Variants in GRIN2A observed in about 807,000 individuals in gnomAD.
GRIN2A encodes glutamate receptor ionotropic, NMDA 2A.
Under a neutral mutation model 113.4 loss-of-function variants are expected in GRIN2A, and 22 were observed. That is an observed-to-expected ratio of 0.19 (90% CI 0.14 to 0.28). The LOEUF is 0.28. Ranked by LOEUF, GRIN2A falls within the 10% of genes least tolerant of loss-of-function variation. GRIN2A has a pLI of 1.00. For missense variants in GRIN2A, 1,502 were observed against 1,887.0 expected (o/e 0.80, Z 3.78); for synonymous variants, 827 against 738.4 (o/e 1.12, Z -1.94).
At chr16:10,132,895 G>C (rs1166157367) in intron 2 of GRIN2A, among the ~76,000 whole-genome samples, 2 of 152,140 alleles carry the variant, frequency 1.3e-5, no homozygotes, top group Non-Finnish European at 2.9e-5. Context: ...GGACCAGCAG[G>C]CCTTCCTAGT....
chr16:10,099,309 G>C (rs1011022080), intron 2 of GRIN2A, among the ~76,000 whole-genome samples: 1 of 152,124 alleles, frequency 6.6e-6, no homozygotes, highest in African/African-American at 2.4e-5. Context: ...TTTTAATGCT[G>C]CAAGCAGCAT....
intron 2 of GRIN2A, among the ~76,000 whole-genome samples, chr16:10,155,832 G>A (rs1394095117): frequency 1.3e-5 from 2 of 152,064 alleles, no homozygotes; most frequent in African/African-American, 4.8e-5. Flanking sequence ...TCACTATCAC[G>A]AAAACAGCAC....
chr16:9,990,563 GCACACACACACACACACA>G (rs71157799), intron 2 of GRIN2A, among the ~76,000 whole-genome samples: 9 of 124,430 alleles, frequency 7.2e-5, no homozygotes, highest in African/African-American at 2.8e-4. Context: ...GCGCGCGCGC[GCACACACACACACACACA>G]CACACACACA....
At chr16:9,907,798 C>T (rs748529969) in intron 3 of GRIN2A, among the ~76,000 whole-genome samples, 6 of 152,174 alleles carry the variant, frequency 3.9e-5, no homozygotes, top group Admixed American at 6.5e-5. Context: ...ACTCCCTCCT[C>T]AAAACTCCCC....
chr16:10,112,485 TG>T, intron 2 of GRIN2A: 1 of 877,854 alleles, frequency 1.1e-6, no homozygotes, highest in Non-Finnish European at 1.9e-6. Context: ...ATCCAGACCG[TG>T]GGGCACGTGG....
At chr16:10,036,449 C>G in intron 2 of GRIN2A, among the ~76,000 whole-genome samples, 1 of 46,006 alleles carries the variant, frequency 2.2e-5, no homozygotes. Context: ...TTTTTTTTTT[C>G]TTTTTTTTTT....
chr16:9,833,531 C>A (rs2042533869), intron 8 of GRIN2A, among the ~76,000 whole-genome samples: 1 of 152,212 alleles, frequency 6.6e-6, no homozygotes, highest in African/African-American at 2.4e-5. Flanking sequence ...TCCTTCAAAT[C>A]TGCTTTCCCA....
At chr16:10,111,533 T>C in intron 2 of GRIN2A, 2 of 759,324 alleles carry the variant, frequency 2.6e-6, no homozygotes, top group Non-Finnish European at 4.8e-6. Context: ...GAGGTAGACC[T>C]AACTTCAGCC....
At position 9,974,586 on chromosome 16, in the gene GRIN2A, C is replaced by T. The variant is rs556037851; in HGVS notation, c.415-36035G>A. Reference sequence around the variant, plus strand: ...CAGGAGTCTTGCCGATGCTCGCGGCCGAATAAACCTCTTCCTTCTTTAACT... The same window carrying T: ...CAGGAGTCTTGCCGATGCTCGCGGCTGAATAAACCTCTTCCTTCTTTAACT... On this transcript the variant is annotated intron_variant, in intron 2 of 12. Coordinates refer to ENST00000330684, the MANE Select transcript of GRIN2A (RefSeq NM_001134407.3). Among the ~76,000 whole-genome samples the T allele has an allele frequency of 1.2e-4, 19 of 152,250 alleles. No homozygotes were observed. The South Asian group carries it at 2.1e-3, about 17-fold the overall frequency.
intron 2 of GRIN2A, among the ~76,000 whole-genome samples, chr16:10,124,521 G>C (rs1398720320): frequency 3.9e-5 from 6 of 152,174 alleles, no homozygotes; most frequent in African/African-American, 1.4e-4. Context: ...ATTCCTTGGT[G>C]CTTGGGTAGA....
chr16:9,973,057 G>A (rs1445609284), intron 2 of GRIN2A, among the ~76,000 whole-genome samples: 1 of 152,212 alleles, frequency 6.6e-6, no homozygotes, highest in African/African-American at 2.4e-5. Context: ...CACAAGGCCA[G>A]ATGAGCCAGT....
intron 2 of GRIN2A, chr16:10,179,640 C>T (rs1272757770): frequency 2.9e-6 from 1 of 347,946 alleles, no homozygotes; most frequent in African/African-American, 2.1e-5. Context: ...GCATATGTCT[C>T]CAGTGCTCCT....
chr16:9,832,090 ATTT>A (rs2042506221), intron 8 of GRIN2A, among the ~76,000 whole-genome samples: 1 of 55,730 alleles, frequency 1.8e-5, no homozygotes, highest in Non-Finnish European at 4.6e-5. Flanking sequence ...GGCTTATTTT[ATTT>A]ATTTATTTAT....
chr16:10,144,196 T>G (rs2049384966), intron 2 of GRIN2A, among the ~76,000 whole-genome samples: 1 of 152,194 alleles, frequency 6.6e-6, no homozygotes, highest in Non-Finnish European at 1.5e-5. Context: ...CAACCGATAA[T>G]AAAAATTTAA....
intron 2 of GRIN2A, among the ~76,000 whole-genome samples, chr16:10,065,108 A>C (rs1057175548): frequency 6.6e-6 from 1 of 152,136 alleles, no homozygotes; most frequent in Non-Finnish European, 1.5e-5. Flanking sequence ...CACAAACAGA[A>C]AATTAATCTC....
intron 3 of GRIN2A, among the ~76,000 whole-genome samples, chr16:9,898,622 G>C (rs1201053147): frequency 2.0e-5 from 3 of 152,000 alleles, no homozygotes; most frequent in Admixed American, 6.6e-5. Flanking sequence ...TGCCATTTCT[G>C]AAGTTCCCAG....
intron 2 of GRIN2A, among the ~76,000 whole-genome samples, chr16:10,140,358 G>A (rs903946180): frequency 2.6e-5 from 4 of 152,080 alleles, no homozygotes; most frequent in African/African-American, 9.7e-5. Context: ...GAAGAATTCA[G>A]GCCCAAATCT....
intron 10 of GRIN2A, among the ~76,000 whole-genome samples, 184 bp downstream of exon 10, chr16:9,822,080 T>G (rs2042295407): frequency 6.6e-6 from 1 of 152,108 alleles, no homozygotes; most frequent in Non-Finnish European, 1.5e-5. Context: ...TTCACCCAAC[T>G]CAGAAGGAAA....
At chr16:10,118,421 T>C (rs191089975) in intron 2 of GRIN2A, among the ~76,000 whole-genome samples, 70 of 152,224 alleles carry the variant, frequency 4.6e-4, no homozygotes, top group African/African-American at 1.6e-3. Context: ...CTGCTGTGGG[T>C]ACAGCTCTAC....
Sources: gnomAD v4.1 joint callset for allele counts (sites outside exome capture counted in the v4.1 genomes callset) on GRCh38, gnomAD v4.1.1 for gene constraint, MANE v1.5 for transcripts, NCBI Gene and HGNC (gene_info 2026-07-23, HGNC 2026-07-21) for gene names.